Variants in AHCYL2 observed in about 807,000 individuals in gnomAD.
AHCYL2 encodes the protein adenosylhomocysteinase like 2.
AHCYL2 carries 28 observed loss-of-function variants against 81.4 expected under a neutral mutation model. The ratio of observed to expected loss-of-function variants is 0.34; its 90% CI spans 0.25 to 0.47. The LOEUF is 0.47. Ranked by LOEUF, AHCYL2 falls within the 20% of genes least tolerant of loss-of-function variation. AHCYL2 has a pLI of 1.00. For missense variants in AHCYL2, 551 were observed against 785.1 expected (o/e 0.70, Z 3.56); for synonymous variants, 272 against 290.2 (o/e 0.94, Z 0.64).
At chr7:129,370,676 C>A (rs1215971155) in intron 1 of AHCYL2, among the ~76,000 whole-genome samples, 1 of 152,126 alleles carries the variant, frequency 6.6e-6, no homozygotes, top group Non-Finnish European at 1.5e-5. Context: ...CCAGCCTGGG[C>A]GACAGGGTGA....
At chr7:129,238,769 A>G (rs1267282571) in intron 1 of AHCYL2, among the ~76,000 whole-genome samples, 2 of 152,106 alleles carry the variant, frequency 1.3e-5, no homozygotes, top group Non-Finnish European at 2.9e-5. Flanking sequence ...TGACCAACAC[A>G]GTGAAACCCT....
chr7:129,316,479 C>A (rs958449538), intron 1 of AHCYL2, among the ~76,000 whole-genome samples: 2 of 152,142 alleles, frequency 1.3e-5, no homozygotes, highest in Admixed American at 6.6e-5. Context: ...GTGCCTTCAT[C>A]CCTCAGGACT....
intron 1 of AHCYL2, among the ~76,000 whole-genome samples, chr7:129,314,560 T>C (rs1261015403): frequency 6.6e-6 from 1 of 152,192 alleles, no homozygotes; most frequent in Non-Finnish European, 1.5e-5. Flanking sequence ...TAGAGAGCCA[T>C]CCTCTAGCCA....
chr7:129,274,766 G>A (rs551624356), intron 1 of AHCYL2, among the ~76,000 whole-genome samples: 1 of 152,258 alleles, frequency 6.6e-6, no homozygotes, highest in South Asian at 2.1e-4. Flanking sequence ...CTGGTTGATA[G>A]CCCCATTGAG....
chr7:129,386,129 C>T (rs936049606), intron 2 of AHCYL2, among the ~76,000 whole-genome samples: 1 of 152,096 alleles, frequency 6.6e-6, no homozygotes, highest in African/African-American at 2.4e-5. Flanking sequence ...ATCTAGACAA[C>T]TGATATTTTT....
intron 1 of AHCYL2, 51 bp downstream of exon 1, chr7:129,225,490 T>C (rs1584675555): frequency 6.9e-7 from 1 of 1,444,056 alleles, no homozygotes; most frequent in South Asian, 1.4e-5. Flanking sequence ...GGAGGGGAAC[T>C]GCAGATCCTC....
chr7:129,275,973 A>T (rs2150733752), intron 1 of AHCYL2, among the ~76,000 whole-genome samples: 1 of 152,280 alleles, frequency 6.6e-6, no homozygotes, highest in South Asian at 2.1e-4. Flanking sequence ...AATTGAACAC[A>T]CACTGAATTC....
chr7:129,407,019 A>G (rs1032391789), intron 10 of AHCYL2, among the ~76,000 whole-genome samples: 7 of 152,228 alleles, frequency 4.6e-5, no homozygotes, highest in South Asian at 2.1e-4. Context: ...GTGTAATCAT[A>G]CCTACCTCAT....
chr7:129,323,981 C>T (rs1373657371), intron 1 of AHCYL2, among the ~76,000 whole-genome samples: 1 of 151,714 alleles, frequency 6.6e-6, no homozygotes, highest in Non-Finnish European at 1.5e-5. Flanking sequence ...AGAGATTCTC[C>T]TGCCTCAGAC....
intron 6 of AHCYL2, 36 bp from the exon 7 acceptor site, chr7:129,403,343 C>A: frequency 6.9e-7 from 1 of 1,448,896 alleles, no homozygotes; most frequent in Non-Finnish European, 9.5e-7. Flanking sequence ...GAGACTTCAG[C>A]AAAGTGAATG....
At chr7:129,318,918 T>A (rs1797918701) in intron 1 of AHCYL2, among the ~76,000 whole-genome samples, 1 of 151,844 alleles carries the variant, frequency 6.6e-6, no homozygotes, top group Non-Finnish European at 1.5e-5. Flanking sequence ...TTCGACTATA[T>A]AATTTTTTTT....
chr7:129,340,468 T>G (rs1209499349), intron 1 of AHCYL2, among the ~76,000 whole-genome samples: 3 of 149,480 alleles, frequency 2.0e-5, no homozygotes, highest in Admixed American at 1.3e-4. Flanking sequence ...CTCCGGAGGC[T>G]GAGGCAGGAG....
In AHCYL2 at chr7:129,408,803, G is replaced by A. The variant is rs553659119; in HGVS notation, c.1296-673G>A. ...CAAAGGTTGGCTGAAGTTGAGGAGA[G>A]GCAATTAAGAGAAGTAAGAGGAAAA... On this transcript the variant is annotated intron_variant, in intron 10 of 16. Coordinates refer to ENST00000325006, the MANE Select transcript of AHCYL2 (RefSeq NM_015328.4). Among the ~76,000 whole-genome samples the A allele has an allele frequency of 7.3e-4, 111 of 152,292 alleles. 1 individual carries two copies. Among genetic ancestry groups the A allele is most frequent in the African/African-American group, 2.6e-3 (108 of 41,548 alleles).
chr7:129,327,571 A>G (rs944555772), intron 1 of AHCYL2, among the ~76,000 whole-genome samples: 3 of 151,750 alleles, frequency 2.0e-5, no homozygotes, highest in South Asian at 2.1e-4. Flanking sequence ...GGTTCAAGCA[A>G]TTCTCTGCCT....
intron 1 of AHCYL2, among the ~76,000 whole-genome samples, chr7:129,235,126 T>G (rs1584687420): frequency 6.6e-6 from 1 of 152,344 alleles, no homozygotes. Context: ...TTTTCAGTCC[T>G]CATCTTCTTG....
At chr7:129,317,789 A>G (rs1433746196) in intron 1 of AHCYL2, among the ~76,000 whole-genome samples, 1 of 152,198 alleles carries the variant, frequency 6.6e-6, no homozygotes, top group African/African-American at 2.4e-5. Context: ...TTATTTATTC[A>G]TTTCATGACA....
intron 4 of AHCYL2, among the ~76,000 whole-genome samples, chr7:129,390,475 AAG>A (rs1215547380): frequency 6.6e-6 from 1 of 152,202 alleles, no homozygotes; most frequent in Non-Finnish European, 1.5e-5. Flanking sequence ...CTCAAAATAA[AAG>A]AGAGCAATTA....
At chr7:129,256,693 C>G (rs1001145636) in intron 1 of AHCYL2, among the ~76,000 whole-genome samples, 2 of 151,814 alleles carry the variant, frequency 1.3e-5, no homozygotes, top group Non-Finnish European at 2.9e-5. Flanking sequence ...TTTGCCCTTA[C>G]AATCAATACT....
chr7:129,357,209 G>A (rs1424082004), intron 1 of AHCYL2, among the ~76,000 whole-genome samples: 1 of 152,174 alleles, frequency 6.6e-6, no homozygotes, highest in Non-Finnish European at 1.5e-5. Context: ...AACTGAAAAG[G>A]GGTATTAGTG....
Sources: gnomAD v4.1 joint callset for allele counts (sites outside exome capture counted in the v4.1 genomes callset) on GRCh38, gnomAD v4.1.1 for gene constraint, MANE v1.5 for transcripts, NCBI Gene and HGNC (gene_info 2026-07-23, HGNC 2026-07-21) for gene names.